HMGA2: variants seen among roughly 807,000 people sequenced by gnomAD.
HMGA2 encodes high mobility group protein HMGI-C.
A neutral mutation model predicts 19.1 loss-of-function variants in HMGA2; 8 were observed. The observed-to-expected ratio is 0.42, with a 90% confidence interval of 0.25 to 0.76. The LOEUF is 0.76. Among genes scored for constraint, HMGA2 ranks in the 30% least tolerant of loss-of-function variants. The probability of loss-of-function intolerance (pLI) is 0.28; values close to 1 mark genes in which losing one functional copy is unlikely to be tolerated. For missense variants in HMGA2, 109 were observed against 136.3 expected (o/e 0.80, Z 1.00); for synonymous variants, 60 against 48.8 (o/e 1.23, Z -0.96).
chr12:65,903,805 T>C (rs1592434330), intron 3 of HMGA2, among the ~76,000 whole-genome samples: 1 of 152,314 alleles, frequency 6.6e-6, no homozygotes, highest in East Asian at 1.9e-4. Context: ...TTTTGGCTTT[T>C]TGATTGGTGA....
Position 65,844,047 on chromosome 12 carries a change from T to C in HMGA2, c.249+5478T>C, listed in dbSNP as rs534755637. Among the ~76,000 whole-genome samples, 29 of 101,410 alleles carry C rather than the reference T, an allele frequency of 2.9e-4. No homozygotes were observed. In the East Asian group the frequency reaches 6.8e-3, roughly 24 times the overall value. 66.5% of individuals were successfully genotyped at this position (101,410 alleles called of 152,430 possible). On this transcript the variant is annotated intron_variant, in intron 3 of 4. Transcript: ENST00000403681. The stretch of plus-strand genomic sequence containing the variant: ...GCCTGGGCAACAGAGCAAGACTCCA[T>C]CTCAAAAAAAAAAAAAAAAAAAGAA...
At chr12:65,836,417 G>T (rs1379936533) in intron 2 of HMGA2, among the ~76,000 whole-genome samples, 2 of 151,978 alleles carry the variant, frequency 1.3e-5, no homozygotes, top group African/African-American at 4.8e-5. Context: ...AGTTAGGAGT[G>T]AAAGAACACT....
chr12:65,859,441 A>T (rs1431611725), intron 3 of HMGA2: 1 of 152,136 alleles, frequency 6.6e-6, no homozygotes, highest in African/African-American at 2.4e-5. Flanking sequence ...CTGGGTCTTC[A>T]TTTGTGGTTA....
rs1001280468 is a variant in HMGA2, at chr12:65,825,876, G to T, written c.111+495G>T. ...GCCTCCCGGGGCTGCTCGCGGGTCG[G>T]GGGCTGGCGCGCCGCAGCCGCCCCC... On this transcript the variant is annotated intron_variant, in intron 1 of 4. Transcript: ENST00000403681. The surrounding 1 kb of genome is among the most constrained non-coding windows in gnomAD (Gnocchi z 4.4). 2.0e-5 allele frequency: 3 copies of T among 151,994 alleles called. No individual in the cohort carries two copies. The highest frequency in any genetic ancestry group is 4.4e-5 in the Non-Finnish European group (3 of 68,074). 9.4% of individuals were successfully genotyped at this position (151,994 alleles called of 1,614,324 possible).
intron 3 of HMGA2, among the ~76,000 whole-genome samples, chr12:65,855,637 G>T (rs1565709411): frequency 1.3e-5 from 2 of 152,128 alleles, no homozygotes; most frequent in East Asian, 1.9e-4. Flanking sequence ...GAATGGCCAA[G>T]GTCTATTGCA....
At chr12:65,848,469 A>G (rs951250813) in intron 3 of HMGA2, among the ~76,000 whole-genome samples, 6 of 152,234 alleles carry the variant, frequency 3.9e-5, no homozygotes, top group Non-Finnish European at 8.8e-5. Context: ...GTACAACTAA[A>G]GATTTACTGG....
intron 3 of HMGA2, among the ~76,000 whole-genome samples, chr12:65,942,959 C>A (rs2121295051): frequency 6.6e-6 from 1 of 152,206 alleles, no homozygotes; most frequent in African/African-American, 2.4e-5. Context: ...GACCTTATCT[C>A]TACTTTTTCA....
At chr12:65,877,234 G>C (rs1873091524) in intron 3 of HMGA2, 1 of 152,226 alleles carries the variant, frequency 6.6e-6, no homozygotes, top group Non-Finnish European at 1.5e-5. Context: ...TGGAGCGGCA[G>C]GCTGCACTTT....
At chr12:65,887,903 A>C (rs1873727136) in intron 3 of HMGA2, among the ~76,000 whole-genome samples, 1 of 151,764 alleles carries the variant, frequency 6.6e-6, no homozygotes, top group Non-Finnish European at 1.5e-5. Context: ...CAATGACAAC[A>C]ACATTTGAGT....
chr12:65,915,034 C>A lies in HMGA2; in HGVS notation c.250-36349C>A, dbSNP rs1321853354. On this transcript the variant is annotated intron_variant, in intron 3 of 4. Coordinates refer to ENST00000403681, the MANE Select transcript of HMGA2 (RefSeq NM_003483.6). The stretch of plus-strand genomic sequence containing the variant: ...TCTTCTGAGGTATTCATGCCATATG[C>A]CCCATCCTGATGTCATATCCACAGG... 4 of 1,612,758 alleles carry A rather than the reference C, an allele frequency of 2.5e-6. No homozygotes were observed. In the Admixed American group the frequency reaches 5.0e-5, roughly 20 times the overall value.
intron 3 of HMGA2, among the ~76,000 whole-genome samples, chr12:65,892,815 T>A (rs540884400): frequency 2.4e-4 from 37 of 152,278 alleles, no homozygotes; most frequent in African/African-American, 8.2e-4. Flanking sequence ...GTCCTCAGTT[T>A]TATTTCAACC....
At chr12:65,888,380 G>A (rs576910001) in intron 3 of HMGA2, among the ~76,000 whole-genome samples, 130 of 151,200 alleles carry the variant, frequency 8.6e-4, no homozygotes, top group African/African-American at 3.1e-3. Flanking sequence ...GCTTGAACCC[G>A]GTAGGTGGAG....
chr12:65,907,295 A>T (rs1874635122), intron 3 of HMGA2, among the ~76,000 whole-genome samples: 1 of 151,960 alleles, frequency 6.6e-6, no homozygotes, highest in East Asian at 1.9e-4. Context: ...CTGTAATCCC[A>T]GCTACTCAGG....
Position 65,915,236 on chromosome 12 carries a change from C to T in HMGA2, c.250-36147C>T, listed in dbSNP as rs1313648602. On this transcript the variant is annotated intron_variant, in intron 3 of 4. Transcript: ENST00000403681. The stretch of plus-strand genomic sequence containing the variant: ...GTGTGGCTTTCTCCGATATAGAAAC[C>T]TATCAGGTGTCTTTTAGATCATTTC... 22 of 1,576,866 alleles carry T rather than the reference C, an allele frequency of 1.4e-5. No individual in the cohort carries two copies. The East Asian group carries it at 4.8e-4, about 34-fold the overall frequency.
At chr12:65,931,968 C>T (rs1032424015) in intron 3 of HMGA2, among the ~76,000 whole-genome samples, 30 of 152,032 alleles carry the variant, frequency 2.0e-4, no homozygotes, top group African/African-American at 6.8e-4. Context: ...TTGGATAATC[C>T]GGTTACCTTC....
At chr12:65,888,316 C>T (rs1286096564) in intron 3 of HMGA2, among the ~76,000 whole-genome samples, 1 of 151,326 alleles carries the variant, frequency 6.6e-6, no homozygotes, top group Non-Finnish European at 1.5e-5. Flanking sequence ...GTTAGCCGGG[C>T]GCAGTGGTGT....
chr12:65,856,136 A>G (rs1871730087), intron 3 of HMGA2: 1 of 152,154 alleles, frequency 6.6e-6, no homozygotes, highest in Non-Finnish European at 1.5e-5. Flanking sequence ...GGCCTTACTC[A>G]ACCAAAATAA....
At chr12:65,892,087 A>G (rs911893287) in intron 3 of HMGA2, among the ~76,000 whole-genome samples, 1 of 152,116 alleles carries the variant, frequency 6.6e-6, no homozygotes, top group African/African-American at 2.4e-5. Context: ...GCCGACACTC[A>G]CTCTGATGGT....
chr12:65,869,500 C>G (rs907557159), intron 3 of HMGA2, among the ~76,000 whole-genome samples: 6 of 152,080 alleles, frequency 3.9e-5, no homozygotes, highest in African/African-American at 1.4e-4. Context: ...GGGGTCAATT[C>G]TTAGGGATCA....
Sources: gnomAD v4.1 joint callset for allele counts (sites outside exome capture counted in the v4.1 genomes callset) on GRCh38, gnomAD v4.1.1 for gene constraint, Gnocchi (gnomAD v3.1) non-coding constraint, MANE v1.5 for transcripts, NCBI Gene and HGNC (gene_info 2026-07-23, HGNC 2026-07-21) for gene names.